Variants in SLC44A5 observed in about 807,000 individuals in gnomAD.
SLC44A5 encodes choline transporter-like protein 5.
A neutral mutation model predicts 101.8 loss-of-function variants in SLC44A5; 57 were observed. That is an observed-to-expected ratio of 0.56 (90% CI 0.45 to 0.70). The LOEUF is 0.70. Ranked by LOEUF, SLC44A5 falls within the 30% of genes least tolerant of loss-of-function variation. SLC44A5 has a pLI of 0.00. For synonymous variants in SLC44A5, 281 were observed against 290.9 expected (o/e 0.97, Z 0.35); for missense variants, 737 against 853.1 (o/e 0.86, Z 1.70).
At chr1:75,560,108 C>T (rs958959762) in intron 1 of SLC44A5, among the ~76,000 whole-genome samples, 2 of 152,118 alleles carry the variant, frequency 1.3e-5, no homozygotes, top group Non-Finnish European at 2.9e-5. Flanking sequence ...GTGATTCAGA[C>T]ATTTTGGAAA....
intron 1 of SLC44A5, among the ~76,000 whole-genome samples, chr1:75,596,580 C>A (rs1189820804): frequency 7.2e-5 from 11 of 152,076 alleles, no homozygotes; most frequent in Admixed American, 6.6e-4. Context: ...CCAGATCCAA[C>A]GCACATCAAA....
chr1:75,497,259 GA>G (rs1264379639), intron 2 of SLC44A5, among the ~76,000 whole-genome samples: 2 of 151,688 alleles, frequency 1.3e-5, no homozygotes, highest in African/African-American at 4.8e-5. Context: ...TGATGAATGG[GA>G]AAAAAAATTG....
At chr1:75,457,522 G>T (rs1430030086) in intron 2 of SLC44A5, among the ~76,000 whole-genome samples, 1 of 152,074 alleles carries the variant, frequency 6.6e-6, no homozygotes, top group Non-Finnish European at 1.5e-5. Context: ...CATCCTATAA[G>T]CTCTCTGGAA....
chr1:75,219,978 A>C, intron 14 of SLC44A5, 86 bp from the exon 15 acceptor site: 1 of 716,888 alleles, frequency 1.4e-6, no homozygotes, highest in Non-Finnish European at 2.2e-6. Flanking sequence ...ACTGGTAATA[A>C]CCACGGACTC....
the SLC44A5 span, among the ~76,000 whole-genome samples, chr1:75,722,716 T>G: frequency 1.3e-5 from 2 of 152,216 alleles, no homozygotes; most frequent in African/African-American, 4.8e-5. Flanking sequence ...CCCTGGCCCT[T>G]TCCTTAAAAC....
At chr1:75,204,953 T>C (rs1646725403) in intron 23 of SLC44A5, 1 of 152,212 alleles carries the variant, frequency 6.6e-6, no homozygotes. Context: ...TAGTCCTTTG[T>C]TGTGGCCTTT....
rs1182141875 is a variant in SLC44A5 at position 75,218,534 on chromosome 1, G to A, written c.1485C>T (p.Asp495=). The change falls in exon 17 of 24, where the codon GAC becomes GAT. Residue 495 remains aspartate, a synonymous_variant. Transcript: ENST00000370859. ...CAGTAAAAAGTGGATATCGTGGGAT[G>A]TCATCAGGTTTTTTCATGGCCCAGT... ...TYYWAMKKPD[D]IPRYPLFTAF... is the part of the protein sequence containing the mutation. 1.9e-6 allele frequency: 3 copies of A among 1,613,816 alleles called. No individual in the cohort carries two copies. The highest frequency in any genetic ancestry group is 2.2e-5 in the South Asian group (2 of 91,078).
chr1:75,603,804 GT>G (rs1202289963), intron 1 of SLC44A5, among the ~76,000 whole-genome samples: 1 of 29,372 alleles, frequency 3.4e-5, no homozygotes, highest in African/African-American at 1.5e-4. Flanking sequence ...TTAATTGTAT[GT>G]CTTCTTTTGA....
intron 2 of SLC44A5, chr1:75,398,355 CT>C (rs1400070868): frequency 1.0e-6 from 1 of 985,108 alleles, no homozygotes; most frequent in African/African-American, 1.7e-5. Flanking sequence ...TAAATTTCAC[CT>C]GCAGACCCAG....
In SLC44A5 at chr1:75,520,425, T is replaced by G. The variant is rs77373020; in HGVS notation, c.13+21010A>C. On this transcript the variant is annotated intron_variant, in intron 2 of 23. Coordinates refer to ENST00000370859, the MANE Select transcript of SLC44A5 (RefSeq NM_001130058.2). The stretch of plus-strand genomic sequence containing the variant: ...TTTTAAACTTCAAATTTTGAAATTG[T>G]TCTTTGACAATTATGCATGCTAATA... Among the ~76,000 whole-genome samples, 107 of 152,330 alleles carry G rather than the reference T, an allele frequency of 7.0e-4. No homozygotes were observed. The East Asian group carries it at 8.3e-3, about 12-fold the overall frequency.
At chr1:75,492,681 A>G (rs1384651081) in intron 2 of SLC44A5, among the ~76,000 whole-genome samples, 2 of 152,250 alleles carry the variant, frequency 1.3e-5, no homozygotes, top group Non-Finnish European at 2.9e-5. Context: ...AGATAAAGAT[A>G]TATTGCTAGA....
intron 6 of SLC44A5, among the ~76,000 whole-genome samples, chr1:75,259,722 C>CA (rs1335856809): frequency 6.6e-6 from 1 of 152,016 alleles, no homozygotes; most frequent in African/African-American, 2.4e-5. Context: ...ACAAGACACA[C>CA]AATCATCAGA....
chr1:75,545,853 T>C (rs964798323), intron 1 of SLC44A5, among the ~76,000 whole-genome samples: 2 of 151,920 alleles, frequency 1.3e-5, no homozygotes, highest in Admixed American at 6.6e-5. Context: ...AGTCAGGGTC[T>C]TGTTCTGTCA....
At chr1:75,515,719 G>A (rs1377031644) in intron 2 of SLC44A5, among the ~76,000 whole-genome samples, 1 of 152,156 alleles carries the variant, frequency 6.6e-6, no homozygotes, top group Non-Finnish European at 1.5e-5. Flanking sequence ...TGCAATGAAC[G>A]TGGGAGTGCA....
intron 1 of SLC44A5, among the ~76,000 whole-genome samples, chr1:75,602,358 T>C (rs1269469871): frequency 1.3e-5 from 2 of 152,118 alleles, no homozygotes; most frequent in Non-Finnish European, 2.9e-5. Context: ...TACAAGTTGG[T>C]GTGTAGGAAG....
intron 2 of SLC44A5, among the ~76,000 whole-genome samples, chr1:75,516,833 T>C (rs1232053784): frequency 6.6e-6 from 1 of 152,208 alleles, no homozygotes; most frequent in Non-Finnish European, 1.5e-5. Context: ...ATGGTGTATT[T>C]AAATTTTAAA....
At chr1:75,559,987 T>C (rs1672432927) in intron 1 of SLC44A5, among the ~76,000 whole-genome samples, 1 of 152,082 alleles carries the variant, frequency 6.6e-6, no homozygotes, top group Non-Finnish European at 1.5e-5. Context: ...CACTGAGATA[T>C]CACTTTACAG....
At chr1:75,701,993 C>T in the SLC44A5 span, among the ~76,000 whole-genome samples, 1 of 151,888 alleles carries the variant, frequency 6.6e-6, no homozygotes, top group African/African-American at 2.4e-5. Flanking sequence ...AACCACTGCT[C>T]AATGAAATAA....
chr1:75,716,882 A>T, the SLC44A5 span, among the ~76,000 whole-genome samples: 1 of 151,988 alleles, frequency 6.6e-6, no homozygotes, highest in Non-Finnish European at 1.5e-5. Context: ...AATACAAAAA[A>T]AATTAGCTGG....
Sources: allele counts gnomAD v4.1 joint callset (sites outside exome capture counted in the v4.1 genomes callset), GRCh38; gene constraint gnomAD v4.1.1; transcripts MANE v1.5; gene names NCBI Gene and HGNC (gene_info 2026-07-23, HGNC 2026-07-21).